RALYL: variants seen among roughly 807,000 people sequenced by gnomAD.
RALYL encodes the protein RALY RNA binding protein like.
A neutral mutation model predicts 35.1 loss-of-function variants in RALYL; 29 were observed. That is an observed-to-expected ratio of 0.83 (90% CI 0.61 to 1.13). The LOEUF (loss-of-function observed/expected upper bound fraction) is 1.13. RALYL is among the 50% of genes most tolerant of loss of function. The pLI, the probability that RALYL is intolerant of heterozygous loss-of-function variation, is 0.00. For synonymous variants in RALYL, 120 were observed against 127.6 expected (o/e 0.94, Z 0.40); for missense variants, 359 against 360.4 (o/e 1.00, Z 0.03).
At chr8:84,265,033 C>A (rs1294259278) in intron 1 of RALYL, among the ~76,000 whole-genome samples, 2 of 152,190 alleles carry the variant, frequency 1.3e-5, no homozygotes, top group Non-Finnish European at 2.9e-5. Context: ...GGGGGAACTG[C>A]ATAAGCAAAA....
At chr8:84,290,868 T>C (rs932985004) in intron 1 of RALYL, among the ~76,000 whole-genome samples, 2 of 152,206 alleles carry the variant, frequency 1.3e-5, no homozygotes, top group South Asian at 2.1e-4. Context: ...AAGTAGTATA[T>C]TGAAATTACT....
At chr8:84,724,196 G>A (rs1402288943) in intron 2 of RALYL, among the ~76,000 whole-genome samples, 1 of 151,756 alleles carries the variant, frequency 6.6e-6, no homozygotes, top group East Asian at 1.9e-4. Flanking sequence ...ATTATTGTCA[G>A]TTTCTAAAAT....
chr8:84,653,169 C>T (rs1254920517), intron 2 of RALYL, among the ~76,000 whole-genome samples: 1 of 151,760 alleles, frequency 6.6e-6, no homozygotes, highest in African/African-American at 2.4e-5. Flanking sequence ...AGAATTTGTC[C>T]CTGGGTAAGA....
intron 5 of RALYL, among the ~76,000 whole-genome samples, chr8:84,856,431 C>CA (rs1222914394): frequency 6.6e-6 from 1 of 152,100 alleles, no homozygotes. Flanking sequence ...GTATTAGAAT[C>CA]AAAATATTGC....
chr8:84,369,638 T>TA (rs1039512648), intron 1 of RALYL, among the ~76,000 whole-genome samples: 3 of 152,052 alleles, frequency 2.0e-5, no homozygotes, highest in Non-Finnish European at 4.4e-5. Flanking sequence ...CTTTTAAACT[T>TA]AAAAACAACC....
chr8:84,920,122 A>G (rs1849091530), intron 8 of RALYL, among the ~76,000 whole-genome samples: 1 of 152,124 alleles, frequency 6.6e-6, no homozygotes, highest in Admixed American at 6.6e-5. Flanking sequence ...CTTGATTTGC[A>G]TGTCTTTGAC....
intron 1 of RALYL, among the ~76,000 whole-genome samples, chr8:84,329,108 G>A (rs1225181380): frequency 2.0e-5 from 3 of 152,000 alleles, no homozygotes; most frequent in Non-Finnish European, 4.4e-5. Context: ...TTTATTTTTT[G>A]GGGATATATA....
chr8:84,564,405 G>A (rs1469846586), intron 2 of RALYL, among the ~76,000 whole-genome samples: 2 of 151,636 alleles, frequency 1.3e-5, no homozygotes, highest in Non-Finnish European at 3.0e-5. Flanking sequence ...CCTGGACTAA[G>A]CTTCACCCTG....
chr8:84,546,494 T>A (rs1006508335), intron 2 of RALYL, among the ~76,000 whole-genome samples: 2 of 152,216 alleles, frequency 1.3e-5, no homozygotes, highest in African/African-American at 4.8e-5. Context: ...ATCATGGAGA[T>A]GACCATCTGA....
At chr8:84,208,744 G>T (rs897899279) in intron 1 of RALYL, among the ~76,000 whole-genome samples, 1 of 152,088 alleles carries the variant, frequency 6.6e-6, no homozygotes, top group African/African-American at 2.4e-5. Context: ...TTAGGCTAGT[G>T]TTACTCAAAT....
chr8:84,727,969 C>A (rs184550783), intron 2 of RALYL, among the ~76,000 whole-genome samples: 9,959 of 151,550 alleles, frequency 0.066, 756 homozygotes, highest in African/African-American at 0.19. Flanking sequence ...CATGATTTAT[C>A]GTCCTTTGGG....
At chr8:84,626,763 A>T (rs759583425) in intron 2 of RALYL, among the ~76,000 whole-genome samples, 20 of 152,166 alleles carry the variant, frequency 1.3e-4, no homozygotes, top group Non-Finnish European at 1.9e-4. Flanking sequence ...GACTGTACAC[A>T]AGTATATTGT....
At chr8:84,556,028 G>A (rs772353079) in intron 2 of RALYL, among the ~76,000 whole-genome samples, 40 of 152,150 alleles carry the variant, frequency 2.6e-4, no homozygotes, top group Non-Finnish European at 2.1e-4. Context: ...TGTCTGTATG[G>A]TCTGCACTCT....
intron 3 of RALYL, among the ~76,000 whole-genome samples, chr8:84,786,464 A>G (rs1266583345): frequency 6.6e-6 from 1 of 151,916 alleles, no homozygotes; most frequent in Non-Finnish European, 1.5e-5. Flanking sequence ...AAGAGTTCTT[A>G]TTTCTCCACA....
rs1417934488 is a variant in RALYL at position 84,407,051 on chromosome 8, CACACACACACACACACAA to C, written c.-23-122229_-23-122212del. On this transcript the variant is annotated intron_variant, in intron 1 of 8. Transcript: ENST00000521268. ...ATATATATATACACACACACACTCACACACACACACACACACAAACACACACACACACACAAGAATATA... is the reference window on the plus strand; with the variant it reads ...ATATATATATACACACACACACTCACACACACACACACACACAAGAATATA... Among the ~76,000 whole-genome samples, 615 of 145,358 alleles carry C rather than the reference CACACACACACACACACAA, an allele frequency of 4.2e-3. 5 individuals carry two copies. Among genetic ancestry groups the C allele is most frequent in the African/African-American group, 0.016 (581 of 37,184 alleles).
intron 2 of RALYL, among the ~76,000 whole-genome samples, chr8:84,578,951 T>C (rs1810177075): frequency 6.6e-6 from 1 of 152,142 alleles, no homozygotes; most frequent in Non-Finnish European, 1.5e-5. Flanking sequence ...GTAGAACTGA[T>C]AGCTCGGCCC....
At chr8:84,327,181 A>G (rs186816189) in intron 1 of RALYL, among the ~76,000 whole-genome samples, 40 of 152,256 alleles carry the variant, frequency 2.6e-4, no homozygotes, top group Admixed American at 2.6e-3. Flanking sequence ...GAAATGATTA[A>G]CTCAGTTTGG....
At position 84,600,106 on chromosome 8, in the gene RALYL, T is replaced by A. The variant is rs566873364; in HGVS notation, c.256+70529T>A. ...CAGTGCTGTCTGTCAATCTTTGACT[T>A]ATTTCATCCCAAAACTTTTAACTTG... On this transcript the variant is annotated intron_variant, in intron 2 of 8. Transcript: ENST00000521268. 9.2e-5 allele frequency among the ~76,000 whole-genome samples: 14 copies of A among 152,206 alleles called. No homozygotes were observed. In the East Asian group the frequency reaches 2.7e-3, roughly 29 times the overall value.
intron 1 of RALYL, among the ~76,000 whole-genome samples, chr8:84,327,345 T>A (rs1223584578): frequency 1.3e-5 from 2 of 152,048 alleles, no homozygotes; most frequent in African/African-American, 4.8e-5. Flanking sequence ...TGGCACAATC[T>A]AGAGAACAGG....
Sources: gnomAD v4.1 joint callset for allele counts (sites outside exome capture counted in the v4.1 genomes callset) on GRCh38, gnomAD v4.1.1 for gene constraint, MANE v1.5 for transcripts, NCBI Gene and HGNC (gene_info 2026-07-23, HGNC 2026-07-21) for gene names.